The following EFNB2 variants were observed in gnomAD, a reference collection of about 807,000 sequenced individuals.
EFNB2 encodes ephrin B2.
In EFNB2, 5 loss-of-function variants were observed where a neutral mutation model predicts 32.1. The ratio of observed to expected loss-of-function variants is 0.16; its 90% CI spans 0.08 to 0.33. The LOEUF (loss-of-function observed/expected upper bound fraction) is 0.33. Among genes scored for constraint, EFNB2 ranks in the 10% least tolerant of loss-of-function variants. The probability of loss-of-function intolerance (pLI) is 1.00; values close to 1 mark genes in which losing one functional copy is unlikely to be tolerated. For synonymous variants in EFNB2, 168 were observed against 166.5 expected (o/e 1.01, Z -0.07); for missense variants, 263 against 422.6 (o/e 0.62, Z 3.31).
rs771469927 is a variant in EFNB2 at position 106,512,602 on chromosome 13, G to C, written c.333C>G (p.Thr111=). The C allele has an allele frequency of 2.5e-6, 4 of 1,613,728 alleles. No individual in the cohort carries two copies. The highest frequency in any genetic ancestry group is 3.4e-6 in the Non-Finnish European group (4 of 1,179,800). The change falls in exon 2 of 5, where the codon ACC becomes ACG. Residue 111 remains threonine, a synonymous_variant. Coordinates refer to ENST00000646441, the MANE Select transcript of EFNB2 (RefSeq NM_004093.4). ...TAGGGCTGAATTCTTGAAACTTGAT[G>C]GTGAATTTGATATCTTGGTCTGGTT... ...CAKPDQDIKF[T]IKFQEFSPNL...
chr13:106,512,394 G>GGA (rs1378321807), intron 2 of EFNB2, 135 bp downstream of exon 2: 4 of 554,114 alleles, frequency 7.2e-6, no homozygotes, highest in Non-Finnish European at 1.1e-5. Context: ...AAAAAAAAAG[G>GGA]GGGGGGGGAC....
intron 2 of EFNB2, among the ~76,000 whole-genome samples, chr13:106,497,896 T>C (rs1878643507): frequency 6.6e-6 from 1 of 152,220 alleles, no homozygotes; most frequent in Non-Finnish European, 1.5e-5. Flanking sequence ...GTTGAGAATT[T>C]TCCTATTTGA....
chr13:106,528,653 T>C (rs547558048), intron 1 of EFNB2, among the ~76,000 whole-genome samples: 1 of 152,274 alleles, frequency 6.6e-6, no homozygotes, highest in South Asian at 2.1e-4. Flanking sequence ...TAGGGGGCAA[T>C]CGAGCAAGTA....
At chr13:106,530,965 A>T (rs1324818683) in intron 1 of EFNB2, among the ~76,000 whole-genome samples, 2 of 152,208 alleles carry the variant, frequency 1.3e-5, no homozygotes, top group Non-Finnish European at 2.9e-5. Flanking sequence ...TGTCTGGAGG[A>T]ACCATTCAAA....
At chr13:106,533,241 C>A (rs1488955946) in intron 1 of EFNB2, among the ~76,000 whole-genome samples, 4 of 150,012 alleles carry the variant, frequency 2.7e-5, no homozygotes, top group Admixed American at 6.6e-5. Flanking sequence ...GGGCGGGCAG[C>A]GGCGCCGCGG....
At chr13:106,503,939 G>T (rs2138910762) in intron 2 of EFNB2, among the ~76,000 whole-genome samples, 1 of 152,280 alleles carries the variant, frequency 6.6e-6, no homozygotes, top group South Asian at 2.1e-4. Flanking sequence ...ATTCCCTATT[G>T]TCTATATTAG....
In EFNB2 at chr13:106,493,881, T is replaced by C. The variant is rs1377874492; in HGVS notation, c.614-453A>G. Among the ~76,000 whole-genome samples the C allele has an allele frequency of 1.3e-5, 2 of 152,230 alleles. No individual in the cohort carries two copies. The highest frequency in any genetic ancestry group is 2.9e-5 in the Non-Finnish European group (2 of 68,040). On this transcript the variant is annotated intron_variant, in intron 4 of 4. Coordinates refer to ENST00000646441, the MANE Select transcript of EFNB2 (RefSeq NM_004093.4). The surrounding 1 kb of genome is among the most constrained non-coding windows in gnomAD (Gnocchi z 6.1). ...GGGCCTGCCTTCTAAAGAAGAGCCC[T>C]GCCTCCTGGCAGAACAGAACAGCTC...
intron 1 of EFNB2, among the ~76,000 whole-genome samples, chr13:106,531,758 T>C (rs1353792704): frequency 7.2e-6 from 1 of 139,340 alleles, no homozygotes; most frequent in East Asian, 2.0e-4. Context: ...AATCCAGTAT[T>C]ATATAGGGAA....
At chr13:106,526,414 G>A (rs1165591764) in intron 1 of EFNB2, among the ~76,000 whole-genome samples, 1 of 152,178 alleles carries the variant, frequency 6.6e-6, no homozygotes, top group Non-Finnish European at 1.5e-5. Flanking sequence ...GACGTACCGT[G>A]TATATGGTTC....
At chr13:106,529,470 C>T (rs1879805559) in intron 1 of EFNB2, among the ~76,000 whole-genome samples, 1 of 152,150 alleles carries the variant, frequency 6.6e-6, no homozygotes, top group African/African-American at 2.4e-5. Context: ...CCATATTATC[C>T]ACCACCAATG....
intron 2 of EFNB2, among the ~76,000 whole-genome samples, chr13:106,498,396 A>T (rs1380871872): frequency 6.6e-6 from 1 of 152,248 alleles, no homozygotes; most frequent in East Asian, 1.9e-4. Flanking sequence ...AACTGGAAGC[A>T]CAAGAGGTGC....
chr13:106,494,650 T>TA (rs1181029090), intron 4 of EFNB2, among the ~76,000 whole-genome samples: 1 of 152,226 alleles, frequency 6.6e-6, no homozygotes, highest in Non-Finnish European at 1.5e-5. Flanking sequence ...AACTGGCACT[T>TA]ACAGCTCATG....
intron 2 of EFNB2, among the ~76,000 whole-genome samples, chr13:106,497,061 T>C (rs1878613976): frequency 1.3e-5 from 2 of 152,246 alleles, no homozygotes. Flanking sequence ...GACATTCTTC[T>C]AATGGGATTG....
intron 3 of EFNB2, among the ~76,000 whole-genome samples, chr13:106,495,263 C>T (rs2138898978): frequency 6.6e-6 from 1 of 152,334 alleles, no homozygotes; most frequent in South Asian, 2.1e-4. Flanking sequence ...TTCAATTTAA[C>T]TGAGCAAGTT....
intron 2 of EFNB2, among the ~76,000 whole-genome samples, chr13:106,503,553 G>A (rs182631522): frequency 6.6e-6 from 1 of 152,174 alleles, no homozygotes; most frequent in Non-Finnish European, 1.5e-5. Flanking sequence ...GAGGTCCTAA[G>A]TTCTGGATTA....
At chr13:106,532,073 A>T (rs568192102) in intron 1 of EFNB2, among the ~76,000 whole-genome samples, 1 of 51,414 alleles carries the variant, frequency 1.9e-5, no homozygotes, top group Non-Finnish European at 5.6e-5. Flanking sequence ...AAAACAAAAA[A>T]AAAACCAAAA....
rs1878394893 is a variant in EFNB2, at chr13:106,491,273, C to T, written c.*1767G>A. The T allele has an allele frequency of 6.6e-6, 1 of 152,606 alleles. No individual in the cohort carries two copies. The highest frequency in any genetic ancestry group is 2.4e-5 in the African/African-American group (1 of 41,432). The allele number at this position is 152,606 out of a possible 1,614,324, so 9.5% of individuals were successfully genotyped here. A position where few individuals can be genotyped will look rare whatever the true frequency, so the allele number is the denominator to read the frequency against. On this transcript the variant is annotated 3_prime_UTR_variant, in exon 5 of 5. Transcript: ENST00000646441. ...TTCCTGCTCTGTGGGGCTCGTACTT[C>T]CTAGTCTACGGTTCCGTGAGATGCC...
intron 1 of EFNB2, among the ~76,000 whole-genome samples, chr13:106,532,505 A>G (rs1879911253): frequency 6.6e-6 from 1 of 152,160 alleles, no homozygotes; most frequent in Non-Finnish European, 1.5e-5. Context: ...AACTTCCCCA[A>G]GGAAAGCGAC....
In EFNB2 at chr13:106,494,920, T is replaced by C; in HGVS notation, c.574A>G (p.Arg192Gly). ...RPELEAGTNG[R>G]SSTTSPFVKP... ...ACAAAGGGACTTGTTGTCGAACTTC[T>C]TCCATTTGTACCAGCTTCTAGTTCT... is the stretch of plus-strand genomic sequence containing the variant. The change falls in exon 4 of 5, where the codon AGA becomes GGA. Residue 192 changes from arginine to glycine, a missense_variant. Physicochemically the swap from Arg to Gly is moderately radical, Grantham distance 125 (BLOSUM62 -2). Around this residue, in one of 3 missense-constraint regions of EFNB2, gnomAD observed 172 missense variants for 237.1 expected, o/e 0.73. Transcript: ENST00000646441. 3.1e-6 allele frequency: 5 copies of C among 1,614,200 alleles called. No homozygotes were observed. The highest frequency in any genetic ancestry group is 1.7e-4 in the Middle Eastern group (1 of 6,060).
Sources: gnomAD v4.1 joint callset for allele counts (sites outside exome capture counted in the v4.1 genomes callset) on GRCh38, gnomAD v4.1.1 for gene constraint, gnomAD v4.1.1 regional missense constraint, Gnocchi (gnomAD v3.1) non-coding constraint, MANE v1.5 for transcripts, NCBI Gene and HGNC (gene_info 2026-07-23, HGNC 2026-07-21) for gene names.